Variants in SRPK2 observed in about 807,000 individuals in gnomAD.
SRPK2 encodes the protein SRSF protein kinase 2.
A neutral mutation model predicts 90.8 loss-of-function variants in SRPK2; 21 were observed. The ratio of observed to expected loss-of-function variants is 0.23; its 90% confidence interval spans 0.16 to 0.33. The LOEUF is 0.33. SRPK2 is among the 10% of genes least tolerant of loss of function. The pLI is 1.00. For synonymous variants in SRPK2, 288 were observed against 311.1 expected (o/e 0.93, Z 0.78); for missense variants, 620 against 869.0 (o/e 0.71, Z 3.60).
intron 3 of SRPK2, among the ~76,000 whole-genome samples, chr7:105,202,160 A>C (rs979647043): frequency 6.6e-6 from 1 of 152,248 alleles, no homozygotes; most frequent in Non-Finnish European, 1.5e-5. Context: ...CACCTATGAA[A>C]GAATCAGGTT....
chr7:105,236,582 GA>G (rs1037737298), intron 2 of SRPK2, among the ~76,000 whole-genome samples: 3 of 151,986 alleles, frequency 2.0e-5, no homozygotes, highest in Non-Finnish European at 2.9e-5. Flanking sequence ...GACAATACAG[GA>G]AATAACATGC....
intron 2 of SRPK2, chr7:105,244,568 C>T (rs1366239079): frequency 1.0e-5 from 6 of 594,798 alleles, no homozygotes; most frequent in Admixed American, 2.7e-5. Context: ...AACGAGACTC[C>T]GTCTCAACAA....
chr7:105,290,996 C>T (rs1808911235), intron 2 of SRPK2, among the ~76,000 whole-genome samples: 1 of 146,988 alleles, frequency 6.8e-6, no homozygotes, highest in African/African-American at 2.5e-5. Context: ...CGAGATTGCG[C>T]CACTGCAGTC....
chr7:105,203,589 G>T, intron 3 of SRPK2, 39 bp downstream of exon 3: 1 of 1,455,638 alleles, frequency 6.9e-7, no homozygotes, highest in South Asian at 1.5e-5. Flanking sequence ...CAGCCCAATG[G>T]GGAAGGCAAG....
chr7:105,378,376 A>G (rs961298058), intron 2 of SRPK2, among the ~76,000 whole-genome samples: 2 of 152,198 alleles, frequency 1.3e-5, no homozygotes, highest in African/African-American at 4.8e-5. Flanking sequence ...TCAGTAAGAA[A>G]AACTTACGAC....
chr7:105,378,606 TA>T (rs1335518051), intron 2 of SRPK2, among the ~76,000 whole-genome samples: 1 of 151,784 alleles, frequency 6.6e-6, no homozygotes, highest in Non-Finnish European at 1.5e-5. Flanking sequence ...CTACCAAAAA[TA>T]CAAAAATTAG....
intron 2 of SRPK2, among the ~76,000 whole-genome samples, chr7:105,329,470 G>A (rs1176924625): frequency 3.9e-5 from 6 of 152,024 alleles, no homozygotes; most frequent in Non-Finnish European, 8.8e-5. Flanking sequence ...GTGAACGCAT[G>A]GAATCTCAGC....
At chr7:105,282,250 G>A (rs1366814364) in intron 2 of SRPK2, among the ~76,000 whole-genome samples, 3 of 152,206 alleles carry the variant, frequency 2.0e-5, no homozygotes, top group Non-Finnish European at 4.4e-5. Context: ...AATGGTGATA[G>A]ACAACTGGAT....
intron 2 of SRPK2, among the ~76,000 whole-genome samples, chr7:105,286,773 T>C (rs1585539162): frequency 6.6e-6 from 1 of 152,224 alleles, no homozygotes; most frequent in African/African-American, 2.4e-5. Flanking sequence ...ATTCTACTTA[T>C]TGATTTAAAT....
chr7:105,238,030 C>T (rs183149643), intron 2 of SRPK2, among the ~76,000 whole-genome samples: 5 of 152,244 alleles, frequency 3.3e-5, no homozygotes, highest in East Asian at 3.9e-4. Flanking sequence ...AAATCAGCTC[C>T]TCTGTCAAAA....
chr7:105,164,232 C>T (rs975657493), intron 6 of SRPK2, among the ~76,000 whole-genome samples: 22 of 152,108 alleles, frequency 1.4e-4, no homozygotes, highest in African/African-American at 5.1e-4. Flanking sequence ...TTATGGAGAA[C>T]CAAAGAATGA....
intron 2 of SRPK2, among the ~76,000 whole-genome samples, chr7:105,336,686 T>TTTA (rs1221699016): frequency 6.6e-6 from 1 of 152,218 alleles, no homozygotes; most frequent in Admixed American, 6.5e-5. Context: ...CTTTTAAAAC[T>TTTA]ACTTCCAGAT....
At chr7:105,368,498 T>C (rs986267297) in intron 2 of SRPK2, among the ~76,000 whole-genome samples, 1 of 152,194 alleles carries the variant, frequency 6.6e-6, no homozygotes, top group Admixed American at 6.6e-5. Context: ...TGCAGCTTAA[T>C]GGTAGTACAA....
Position 105,123,133 on chromosome 7 carries a change from G to C in SRPK2, c.1915+3115C>G, listed in dbSNP as rs2299300. ...TTCTATTGGACCACCTATCAACACA[G>C]TAGTTTCTTAATGCTTTTTGGTGGC... is the stretch of plus-strand genomic sequence containing the variant. On this transcript the variant is annotated intron_variant, in intron 15 of 15. Transcript: ENST00000393651. Among the ~76,000 whole-genome samples the C allele has an allele frequency of 3.8e-3, 575 of 152,254 alleles. 15 individuals are homozygous for C. In the East Asian group the frequency reaches 0.069, roughly 18 times the overall value.
At chr7:105,164,497 A>G (rs1018110712) in intron 6 of SRPK2, among the ~76,000 whole-genome samples, 2 of 152,224 alleles carry the variant, frequency 1.3e-5, no homozygotes, top group African/African-American at 2.4e-5. Context: ...TCTTCAGTTA[A>G]TAATGTAAAA....
At chr7:105,249,877 T>C (rs1242201229) in intron 2 of SRPK2, among the ~76,000 whole-genome samples, 1 of 152,224 alleles carries the variant, frequency 6.6e-6, no homozygotes, top group Non-Finnish European at 1.5e-5. Flanking sequence ...AATTCTCAAA[T>C]GTGGAGATTC....
chr7:105,319,552 T>A (rs1812702279), intron 2 of SRPK2, among the ~76,000 whole-genome samples: 1 of 136,320 alleles, frequency 7.3e-6, no homozygotes, highest in South Asian at 2.5e-4. Context: ...TAAGCCCCTT[T>A]AAACACTTTT....
intron 13 of SRPK2, 72 bp downstream of exon 13, chr7:105,132,719 G>T: frequency 8.0e-7 from 1 of 1,250,910 alleles, no homozygotes; most frequent in Non-Finnish European, 1.1e-6. Flanking sequence ...GCCTCAGAGA[G>T]ACTCAGCCCC....
At chr7:105,306,629 C>A in intron 2 of SRPK2, 1 of 377,288 alleles carries the variant, frequency 2.7e-6, no homozygotes, top group Non-Finnish European at 5.1e-6. Flanking sequence ...GCTATCCTCT[C>A]GTTGGCAAGA....
Sources: gnomAD v4.1 joint callset for allele counts (sites outside exome capture counted in the v4.1 genomes callset) on GRCh38, gnomAD v4.1.1 for gene constraint, MANE v1.5 for transcripts, NCBI Gene and HGNC (gene_info 2026-07-23, HGNC 2026-07-21) for gene names.